Variants in INPP4B observed in about 807,000 individuals in gnomAD.
INPP4B encodes inositol polyphosphate 4-phosphatase type II.
INPP4B carries 55 observed loss-of-function variants against 122.5 expected under a neutral mutation model. The observed-to-expected ratio is 0.45, with a 90% confidence interval of 0.36 to 0.56. INPP4B has a LOEUF of 0.56. Ranked by LOEUF, INPP4B falls within the 20% of genes least tolerant of loss-of-function variation. The pLI is 0.00. For synonymous variants in INPP4B, 403 were observed against 388.7 expected (o/e 1.04, Z -0.43); for missense variants, 1,000 against 1,097.7 (o/e 0.91, Z 1.26).
rs566887157 is a variant in INPP4B at position 142,122,057 on chromosome 4, T to C, written c.2135+71A>G. On this transcript the variant is annotated intron_variant, in intron 21 of 25. Coordinates refer to ENST00000262992, the MANE Select transcript of INPP4B (RefSeq NM_001101669.3). ...TCCCAAATCAAACCTGAATTCTCCT[T>C]GCCTCCTCTGACAGGAGTTAACACG... 4.3e-5 allele frequency: 39 copies of C among 911,418 alleles called. No individual in the cohort carries two copies. In the African/African-American group the frequency reaches 6.4e-4, roughly 15 times the overall value. 56.5% of individuals were successfully genotyped at this position (911,418 alleles called of 1,614,324 possible). A position where few individuals can be genotyped will look rare whatever the true frequency, so the allele number is the denominator to read the frequency against.
At chr4:142,790,131 G>A (rs1776334224) in intron 1 of INPP4B, among the ~76,000 whole-genome samples, 1 of 152,064 alleles carries the variant, frequency 6.6e-6, no homozygotes, top group South Asian at 2.1e-4. Flanking sequence ...AAAAATTCTA[G>A]AAGATAACAT....
Position 142,166,424 on chromosome 4 carries a change from A to C in INPP4B, c.1360-5863T>G, listed in dbSNP as rs1404768308. Among the ~76,000 whole-genome samples the C allele has an allele frequency of 3.4e-4, 52 of 151,926 alleles. 1 individual carries two copies. Among genetic ancestry groups the C allele is most frequent in the Non-Finnish European group, 1.3e-4 (9 of 67,904 alleles). On this transcript the variant is annotated intron_variant, in intron 16 of 25. Coordinates refer to ENST00000262992, the MANE Select transcript of INPP4B (RefSeq NM_001101669.3). Reference sequence around the variant, plus strand: ...TTAAAGATTTAAATGTAAAACCCAAAACTATAAAAACCCTAAAAGAAAATC... The same window carrying C: ...TTAAAGATTTAAATGTAAAACCCAACACTATAAAAACCCTAAAAGAAAATC...
chr4:142,221,082 C>T (rs915646816), intron 12 of INPP4B, among the ~76,000 whole-genome samples: 1 of 152,022 alleles, frequency 6.6e-6, no homozygotes, highest in African/African-American at 2.4e-5. Flanking sequence ...AACTGCTATG[C>T]TGTGTGGACT....
intron 24 of INPP4B, among the ~76,000 whole-genome samples, chr4:142,083,453 G>A (rs1018280402): frequency 6.6e-6 from 1 of 152,120 alleles, no homozygotes; most frequent in African/African-American, 2.4e-5. Context: ...CCATGGTAGG[G>A]TTCTAACATG....
intron 2 of INPP4B, among the ~76,000 whole-genome samples, chr4:142,494,965 AACT>A (rs1463730290): frequency 2.0e-5 from 3 of 152,120 alleles, no homozygotes; most frequent in African/African-American, 7.2e-5. Flanking sequence ...GTTGCCCAAC[AACT>A]GTAGGCAGTC....
chr4:142,759,825 T>TAAAAAAAAAAAAAAAAAAAAAAAAAAAA lies in INPP4B; in HGVS notation c.-253-33952_-253-33925dup, dbSNP rs70949188. Among the ~76,000 whole-genome samples the TAAAAAAAAAAAAAAAAAAAAAAAAAAAA allele has an allele frequency of 2.1e-4, 15 of 70,046 alleles. 2 individuals are homozygous for TAAAAAAAAAAAAAAAAAAAAAAAAAAAA. The highest frequency in any genetic ancestry group is 8.4e-4 in the African/African-American group (15 of 17,894). The allele number at this position is 70,046 out of a possible 152,430, so 46.0% of individuals were successfully genotyped here. A position where few individuals can be genotyped will look rare whatever the true frequency, so the allele number is the denominator to read the frequency against. On this transcript the variant is annotated intron_variant, in intron 1 of 25. Transcript: ENST00000262992. ...CCCAGAGCTTATATAGAGCTTTTTC[T>TAAAAAAAAAAAAAAAAAAAAAAAAAAAA]AAAAAAAAAAAAAAAAAAAAAAAAA...
chr4:142,258,147 C>T (rs1381456089), intron 11 of INPP4B, among the ~76,000 whole-genome samples: 1 of 151,966 alleles, frequency 6.6e-6, no homozygotes, highest in African/African-American at 2.4e-5. Context: ...ACTGGCTAGC[C>T]ATATGTAGAA....
intron 1 of INPP4B, among the ~76,000 whole-genome samples, chr4:142,845,826 C>T (rs910634042): frequency 2.0e-5 from 3 of 152,068 alleles, no homozygotes; most frequent in African/African-American, 7.2e-5. Context: ...TCAGGGACAG[C>T]GCAGGTGGGC....
intron 1 of INPP4B, among the ~76,000 whole-genome samples, chr4:142,743,603 G>A (rs1393248964): frequency 6.6e-6 from 1 of 151,948 alleles, no homozygotes; most frequent in Non-Finnish European, 1.5e-5. Flanking sequence ...CCTCATTAAT[G>A]CAGTCTAATA....
chr4:142,252,209 G>A (rs1279789620), intron 11 of INPP4B, among the ~76,000 whole-genome samples: 2 of 122,464 alleles, frequency 1.6e-5, no homozygotes, highest in East Asian at 4.9e-4. Context: ...TTTTTTTTGA[G>A]ACGGAGTCTC....
At position 142,112,627 on chromosome 4, in the gene INPP4B, G is replaced by C; in HGVS notation, c.2191C>G (p.Leu731Val). The C allele has an allele frequency of 1.2e-6, 2 of 1,613,078 alleles. No individual in the cohort carries two copies. Among genetic ancestry groups the C allele is most frequent in the Non-Finnish European group, 1.7e-6 (2 of 1,179,374 alleles). The change falls in exon 22 of 26, where the codon CTA becomes GTA. Residue 731 changes from leucine (L) to valine (V), a missense_variant. Coordinates refer to ENST00000262992, the MANE Select transcript of INPP4B (RefSeq NM_001101669.3). Reference sequence around the variant, plus strand: ...AGCAACTGTCCTTCTTTAATCTGTAGAGGTAGTGACTCAAACATTCTGGCT... The same window carrying C: ...AGCAACTGTCCTTCTTTAATCTGTACAGGTAGTGACTCAAACATTCTGGCT... ...LPARMFESLP[L>V]QIKEGQLLHV...
chr4:142,463,131 A>C (rs776807202), intron 2 of INPP4B, among the ~76,000 whole-genome samples: 1 of 152,252 alleles, frequency 6.6e-6, no homozygotes, highest in Non-Finnish European at 1.5e-5. Flanking sequence ...TCTAGCCTTC[A>C]GCTAGCTTCT....
chr4:142,803,657 A>C (rs147776334), intron 1 of INPP4B, among the ~76,000 whole-genome samples: 2 of 150,214 alleles, frequency 1.3e-5, no homozygotes, highest in African/African-American at 5.0e-5. Context: ...CTTAAAAAAA[A>C]AAAACAAAAA....
At chr4:142,196,231 T>G (rs1447665145) in intron 14 of INPP4B, among the ~76,000 whole-genome samples, 3 of 152,218 alleles carry the variant, frequency 2.0e-5, no homozygotes, top group Non-Finnish European at 4.4e-5. Flanking sequence ...TCATTCTATT[T>G]TCTATTTACG....
intron 3 of INPP4B, among the ~76,000 whole-genome samples, chr4:142,448,946 G>A (rs1813540660): frequency 6.6e-6 from 1 of 152,184 alleles, no homozygotes; most frequent in African/African-American, 2.4e-5. Flanking sequence ...GGAGACCCCT[G>A]ACCAGGCAGA....
chr4:142,047,441 A>C (rs1752157519), intron 25 of INPP4B, among the ~76,000 whole-genome samples: 1 of 152,010 alleles, frequency 6.6e-6, no homozygotes, highest in African/African-American at 2.4e-5. Flanking sequence ...AAATTGCTCA[A>C]AGCTTTTCTT....
At chr4:142,802,897 C>A (rs1181200423) in intron 1 of INPP4B, among the ~76,000 whole-genome samples, 2 of 151,634 alleles carry the variant, frequency 1.3e-5, no homozygotes, top group African/African-American at 2.4e-5. Context: ...AGGCTGGGTG[C>A]GGTGGCTCAT....
At chr4:142,071,319 T>G (rs1200229689) in intron 25 of INPP4B, among the ~76,000 whole-genome samples, 1 of 152,132 alleles carries the variant, frequency 6.6e-6, no homozygotes, top group African/African-American at 2.4e-5. Flanking sequence ...TCCTTAAACC[T>G]TATACAAAAA....
At position 142,798,762 on chromosome 4, in the gene INPP4B, G is replaced by A. The variant is rs564002021; in HGVS notation, c.-254+47447C>T. On this transcript the variant is annotated intron_variant, in intron 1 of 25. Transcript: ENST00000262992. ...GTAGAGAAGTAGAGATAAGCCGAAA[G>A]TTGATAAATCAATTAGTATATTATT... is the stretch of plus-strand genomic sequence containing the variant. 2.9e-4 allele frequency among the ~76,000 whole-genome samples: 44 copies of A among 151,906 alleles called. 1 individual carries two copies. The South Asian group carries it at 8.9e-3, about 31-fold the overall frequency.
Sources: gnomAD v4.1 joint callset for allele counts (sites outside exome capture counted in the v4.1 genomes callset) on GRCh38, gnomAD v4.1.1 for gene constraint, MANE v1.5 for transcripts, NCBI Gene and HGNC (gene_info 2026-07-23, HGNC 2026-07-21) for gene names.